The following PATJ variants were observed in gnomAD, a reference collection of about 807,000 sequenced individuals.
PATJ encodes the protein PATJ crumbs cell polarity complex component.
A neutral mutation model predicts 224.9 loss-of-function variants in PATJ; 190 were observed. The observed-to-expected ratio is 0.84, with a 90% CI of 0.75 to 0.95. PATJ has a LOEUF of 0.95. PATJ is among the 40% of genes least tolerant of loss of function. PATJ has a pLI of 0.00. For synonymous variants in PATJ, 769 were observed against 820.3 expected (o/e 0.94, Z 1.07); for missense variants, 2,121 against 2,270.3 (o/e 0.93, Z 1.34).
chr1:61,950,712 T>C (rs1679529135), intron 27 of PATJ, among the ~76,000 whole-genome samples: 1 of 152,228 alleles, frequency 6.6e-6, no homozygotes, highest in Admixed American at 6.5e-5. Context: ...TTGTTCTTTT[T>C]TTTGTTTTTT....
At chr1:62,027,943 A>G (rs1366883229) in intron 29 of PATJ, among the ~76,000 whole-genome samples, 2 of 150,204 alleles carry the variant, frequency 1.3e-5, no homozygotes, top group Admixed American at 6.6e-5. Context: ...TTGCCTGTTC[A>G]CTCTGTTGAT....
At position 62,114,036 on chromosome 1, in the gene PATJ, G is replaced by A. The variant is rs933775116; in HGVS notation, c.4462-17G>A. 1.2e-6 allele frequency: 2 copies of A among 1,612,974 alleles called. No homozygotes were observed. Among genetic ancestry groups the A allele is most frequent in the Non-Finnish European group, 1.7e-6 (2 of 1,179,360 alleles). ...CTCTGCCATCAGCAGCCCAGCTCAG[G>A]ATGCCCATTGTTCCAGGTTAATGGG... is the stretch of plus-strand genomic sequence containing the variant. On this transcript the variant is annotated splice_polypyrimidine_tract_variant and intron_variant, in intron 34 of 43. Transcript: ENST00000642238.
chr1:61,869,276 T>G (rs1665944472), intron 20 of PATJ, among the ~76,000 whole-genome samples: 1 of 150,868 alleles, frequency 6.6e-6, no homozygotes, highest in African/African-American at 2.5e-5. Context: ...CCGGCTAATT[T>G]TTTGTATTTT....
At chr1:62,031,903 T>G (rs1267990000) in intron 29 of PATJ, among the ~76,000 whole-genome samples, 2 of 152,214 alleles carry the variant, frequency 1.3e-5, no homozygotes, top group Non-Finnish European at 2.9e-5. Context: ...CAATGGTACC[T>G]GGTAAGCGGT....
chr1:61,841,150 T>A (rs1406883426), intron 17 of PATJ, among the ~76,000 whole-genome samples: 1 of 152,180 alleles, frequency 6.6e-6, no homozygotes. Context: ...TATTTCTATT[T>A]CTTCCACTTA....
intron 38 of PATJ, 145 bp from the exon 39 acceptor site, chr1:62,122,876 T>C (rs970371276): frequency 3.6e-5 from 14 of 392,702 alleles, no homozygotes; most frequent in Admixed American, 1.8e-4. Flanking sequence ...CCAGCTTGGA[T>C]GCTGAGGAAG....
intron 20 of PATJ, among the ~76,000 whole-genome samples, 165 bp from the exon 21 acceptor site, chr1:61,875,078 T>C (rs1007566925): frequency 1.3e-5 from 2 of 152,252 alleles, no homozygotes; most frequent in African/African-American, 4.8e-5. Flanking sequence ...TTGCAGATAT[T>C]GTTACCAGCA....
At chr1:62,128,966 C>T (rs765353960) in intron 41 of PATJ, 21 bp downstream of exon 41, 205 of 1,509,442 alleles carry the variant, frequency 1.4e-4, no homozygotes, top group Non-Finnish European at 1.7e-4. Context: ...CAACGGAGCA[C>T]GCAGCTGTGC....
intron 7 of PATJ, 60 bp from the exon 8 acceptor site, chr1:61,787,694 T>C: frequency 3.9e-6 from 5 of 1,293,294 alleles, no homozygotes; most frequent in African/African-American, 1.4e-5. Flanking sequence ...TGATGAATTG[T>C]TATTAACCAG....
chr1:62,100,443 A>G (rs1319253789), intron 33 of PATJ: 1 of 715,992 alleles, frequency 1.4e-6, no homozygotes, highest in Non-Finnish European at 2.6e-6. Flanking sequence ...GGGGGGCTGA[A>G]CTCTTTTTAT....
intron 27 of PATJ, among the ~76,000 whole-genome samples, chr1:61,935,410 G>A (rs908422159): frequency 6.6e-6 from 1 of 151,944 alleles, no homozygotes; most frequent in Non-Finnish European, 1.5e-5. Flanking sequence ...CCCTAATTTT[G>A]TTTTTCCCAG....
chr1:61,948,861 G>A (rs1283479331), intron 27 of PATJ, among the ~76,000 whole-genome samples: 9 of 152,088 alleles, frequency 5.9e-5, no homozygotes, highest in Admixed American at 4.6e-4. Context: ...TGGCACATAT[G>A]CACCATGGAA....
chr1:62,153,611 T>C, intron 43 of PATJ, 130 bp downstream of exon 43: 1 of 492,104 alleles, frequency 2.0e-6, no homozygotes, highest in Non-Finnish European at 3.2e-6. Flanking sequence ...CATTTGAATC[T>C]TATAGGAAAT....
intron 29 of PATJ, among the ~76,000 whole-genome samples, chr1:62,034,829 T>A (rs889991788): frequency 2.0e-5 from 3 of 152,242 alleles, no homozygotes; most frequent in African/African-American, 7.2e-5. Context: ...AAAAAATCAT[T>A]AAATTGTGAA....
At chr1:61,809,889 A>G (rs1654355248) in intron 14 of PATJ, among the ~76,000 whole-genome samples, 1 of 142,064 alleles carries the variant, frequency 7.0e-6, no homozygotes, top group Non-Finnish European at 1.5e-5. Context: ...TCTGTCGCCC[A>G]GGCTGGAGTG....
intron 27 of PATJ, among the ~76,000 whole-genome samples, chr1:61,983,325 T>C (rs934873364): frequency 2.0e-5 from 3 of 150,142 alleles, no homozygotes; most frequent in African/African-American, 7.4e-5. Context: ...CTTATTATTA[T>C]GCTTTCTGTT....
At chr1:61,992,186 C>G (rs1419163142) in intron 28 of PATJ, among the ~76,000 whole-genome samples, 1 of 150,028 alleles carries the variant, frequency 6.7e-6, no homozygotes, top group Non-Finnish European at 1.5e-5. Context: ...AGCACGATCT[C>G]GGTTCACTGC....
chr1:62,128,093 A>G lies in PATJ; in HGVS notation c.5165A>G (p.Lys1722Arg). Residue 1722 changes from lysine (K) to arginine (R), a missense_variant and splice_region_variant, in exon 40 of 44, where the codon AAA becomes AGA. By Grantham distance (26) the Lys-to-Arg change is conservative. Transcript: ENST00000642238. The part of the protein sequence containing the change: ...SGVAARTQKL[K>R]VGDRIVSING... ...GTGGCCGCACGGACACAGAAGCTTA[A>G]AGTAAACGAGAGAACTGGTTGAAAG... 6.2e-7 allele frequency: 1 copy of G among 1,614,156 alleles called. No homozygotes were observed. Among genetic ancestry groups the G allele is most frequent in the Non-Finnish European group, 8.5e-7 (1 of 1,180,008 alleles).
intron 27 of PATJ, among the ~76,000 whole-genome samples, chr1:61,975,730 C>T (rs954968993): frequency 1.3e-5 from 2 of 152,050 alleles, no homozygotes; most frequent in African/African-American, 4.8e-5. Context: ...CCTCTGTCCA[C>T]TTGGTCCTAG....
Sources: allele counts gnomAD v4.1 joint callset (sites outside exome capture counted in the v4.1 genomes callset), GRCh38; gene constraint gnomAD v4.1.1; transcripts MANE v1.5; gene names NCBI Gene and HGNC (gene_info 2026-07-23, HGNC 2026-07-21).